Variants in MIA2 observed in about 807,000 individuals in gnomAD.
MIA2 encodes the protein melanoma inhibitory activity protein 2.
A neutral mutation model predicts 167.8 loss-of-function variants in MIA2; 127 were observed. The observed-to-expected ratio is 0.76, with a 90% CI of 0.66 to 0.88. The LOEUF (loss-of-function observed/expected upper bound fraction) is 0.88. Among genes scored for constraint, MIA2 ranks in the 40% least tolerant of loss-of-function variants. The pLI is 0.00. For synonymous variants in MIA2, 552 were observed against 541.9 expected (o/e 1.02, Z -0.26); for missense variants, 1,690 against 1,624.7 (o/e 1.04, Z -0.69).
chr14:39,265,739 A>G (rs1262141121), intron 6 of MIA2: 4 of 254,248 alleles, frequency 1.6e-5, no homozygotes, highest in Non-Finnish European at 3.0e-5. Flanking sequence ...GAGTAATACA[A>G]TGTTCTAATT....
At position 39,313,390 on chromosome 14, in the gene MIA2, C is replaced by G. The variant is rs998470975; in HGVS notation, c.3068C>G (p.Ser1023Cys). 9 of 1,602,964 alleles carry G rather than the reference C, an allele frequency of 5.6e-6. No individual in the cohort carries two copies. The African/African-American group carries it at 9.4e-5, about 17-fold the overall frequency. ...CGGTTAGAGAAAGAAGAGAAACTTT[C>G]TAAAGTAGATGAAAAGATCAGCCAT... ...NYRLEKEEKL[S>C]KVDEKISHAT... Residue 1023 changes from serine (S) to cysteine (C), a missense_variant, in exon 19 of 29, where the codon TCT becomes TGT. Ser to Cys is a moderately radical substitution (Grantham distance 112). Coordinates refer to ENST00000640607, the MANE Select transcript of MIA2 (RefSeq NM_001329214.4).
intron 23 of MIA2, among the ~76,000 whole-genome samples, chr14:39,320,699 T>C (rs1038892836): frequency 6.6e-6 from 1 of 152,200 alleles, no homozygotes; most frequent in Non-Finnish European, 1.5e-5. Context: ...CCCAGTTCGT[T>C]GATGTTTTTA....
chr14:39,288,481 T>G (rs1366450463), intron 9 of MIA2, among the ~76,000 whole-genome samples: 1 of 72,104 alleles, frequency 1.4e-5, no homozygotes, highest in East Asian at 3.9e-4. Flanking sequence ...ATATATTTTT[T>G]TTTTTTTTTT....
At chr14:39,354,391 C>G (rs1048737501), downstream of MIA2, among the ~76,000 whole-genome samples, 1 of 152,138 alleles carries the variant, frequency 6.6e-6, no homozygotes, top group Non-Finnish European at 1.5e-5. Flanking sequence ...TCATATCCTT[C>G]ACCCACTTGT....
chr14:39,297,546 C>G (rs939483380), intron 13 of MIA2, among the ~76,000 whole-genome samples: 4 of 152,088 alleles, frequency 2.6e-5, no homozygotes, highest in South Asian at 2.1e-4. Flanking sequence ...TCTGACTGTT[C>G]AGTAGTCAGT....
At chr14:39,269,083 T>TTTTTTTTG (rs2056626796) in intron 6 of MIA2, 1 of 926,470 alleles carries the variant, frequency 1.1e-6, no homozygotes, top group Non-Finnish European at 1.3e-6. Flanking sequence ...AGTTTTTTTT[T>TTTTTTTTG]TTTTTTTTTT....
intron 23 of MIA2, among the ~76,000 whole-genome samples, chr14:39,360,709 G>A (rs1295387115): frequency 2.0e-5 from 3 of 152,100 alleles, no homozygotes; most frequent in African/African-American, 7.2e-5. Flanking sequence ...TGCTTTTGAA[G>A]TCTTAACCAG....
chr14:39,266,031 T>A (rs2055572694), intron 6 of MIA2: 1 of 985,364 alleles, frequency 1.0e-6, no homozygotes, highest in African/African-American at 1.7e-5. Context: ...GAAAAATCAC[T>A]TGCTGTGAAC....
Position 39,303,464 on chromosome 14 carries a change from G to A in MIA2, c.2741-14G>A. 1 of 1,603,234 alleles carries A rather than the reference G, an allele frequency of 6.2e-7. No homozygotes were observed. The highest frequency in any genetic ancestry group is 8.5e-7 in the Non-Finnish European group (1 of 1,172,602). ...TTTCCCAAATCATTGTTGTGCTTTT[G>A]ATTTTCACTGTAGATAATCCTCCAA... On this transcript the variant is annotated splice_polypyrimidine_tract_variant and intron_variant, in intron 15 of 28. Coordinates refer to ENST00000640607, the MANE Select transcript of MIA2 (RefSeq NM_001329214.4).
At chr14:39,267,382 G>T in intron 6 of MIA2, 70 of 1,603,002 alleles carry the variant, frequency 4.4e-5, no homozygotes, top group Non-Finnish European at 5.9e-5. Context: ...CGGACCGAAG[G>T]CTGTGTGTTC....
At chr14:39,281,842 A>G (rs58013138) in intron 9 of MIA2, among the ~76,000 whole-genome samples, 2,777 of 152,114 alleles carry the variant, frequency 0.018, 94 homozygotes, top group African/African-American at 0.063. Context: ...GCTGGTCTCA[A>G]ACTCCTGAGC....
chr14:39,277,769 T>G (rs1160392395), intron 7 of MIA2, among the ~76,000 whole-genome samples: 1 of 52,512 alleles, frequency 1.9e-5, no homozygotes, highest in Non-Finnish European at 3.7e-5. Context: ...TATATATATA[T>G]ATATATATAT....
In MIA2 at chr14:39,247,637, T is replaced by G. The variant is rs201958950; in HGVS notation, c.1063T>G (p.Cys355Gly). 8 of 1,611,958 alleles carry G rather than the reference T, an allele frequency of 5.0e-6. No homozygotes were observed. Among genetic ancestry groups the G allele is most frequent in the Non-Finnish European group, 8.5e-7 (1 of 1,179,506 alleles). Reference protein sequence around the residue: ...ISSDKEATVPCTEILTEKKDT... With the variant: ...ISSDKEATVPGTEILTEKKDT... ...ATCTGATAAAGAAGCCACAGTTCCA[T>G]GTACAGAAATATTAACAGAAAAAAA... is the stretch of plus-strand genomic sequence containing the variant. Residue 355 changes from cysteine to glycine, a missense_variant, in exon 4 of 29, where the codon TGT becomes GGT. Physicochemically the swap from Cys to Gly is radical, Grantham distance 159. Coordinates refer to ENST00000640607, the MANE Select transcript of MIA2 (RefSeq NM_001329214.4).
chr14:39,244,837 G>GT (rs2054216955), intron 3 of MIA2, among the ~76,000 whole-genome samples: 1 of 151,806 alleles, frequency 6.6e-6, no homozygotes, highest in African/African-American at 2.4e-5. Flanking sequence ...GAGTGCAGTG[G>GT]TGCAATTATA....
chr14:39,240,678 A>G (rs1173815092), intron 3 of MIA2, 31 bp downstream of exon 3: 1 of 1,526,760 alleles, frequency 6.5e-7, no homozygotes, highest in Admixed American at 1.7e-5. Flanking sequence ...TTGTTAATTG[A>G]ATTTAAAATT....
rs181000218 is a variant in MIA2, at chr14:39,377,227, G to A, written c.2249-9658G>A. 3.8e-3 allele frequency among the ~76,000 whole-genome samples: 571 copies of A among 149,746 alleles called. 3 individuals carry two copies. Among genetic ancestry groups the A allele is most frequent in the Non-Finnish European group, 6.7e-3 (452 of 67,276 alleles). On this transcript the variant is annotated intron_variant, in intron 23 of 23. Coordinates refer to the MIA2 transcript ENST00000341502. ...CTCATGTCCTACAAAGAGAACATAGGGGGAGGAAGAAAAAAAAAAAAAAGA... is the reference window on the plus strand; with the variant it reads ...CTCATGTCCTACAAAGAGAACATAGAGGGAGGAAGAAAAAAAAAAAAAAGA...
At chr14:39,323,759 T>C (rs373650463) in intron 24 of MIA2, among the ~76,000 whole-genome samples, 1 of 152,250 alleles carries the variant, frequency 6.6e-6, no homozygotes, top group East Asian at 1.9e-4. Flanking sequence ...TTGAATTACA[T>C]AAGTCAAGGA....
In MIA2 at chr14:39,326,937, A is replaced by G. The variant is rs759762282; in HGVS notation, c.3570A>G (p.Leu1190=). The G allele has an allele frequency of 3.8e-6, 6 of 1,598,736 alleles. No individual in the cohort carries two copies. The East Asian group carries it at 9.3e-5, about 25-fold the overall frequency. ...NERGESSCDR[L]TDPHRAPSDT... ...GAGGAGAATCAAGCTGTGATAGGTT[A>G]ACCGATCCTCATAGGGCTCCCTCTG... The change falls in exon 25 of 29, where the codon TTA becomes TTG. Residue 1190 remains leucine, a synonymous_variant. Transcript: ENST00000640607.
At chr14:39,297,320 G>A (rs2152851471) in intron 13 of MIA2, among the ~76,000 whole-genome samples, 1 of 151,838 alleles carries the variant, frequency 6.6e-6, no homozygotes, top group South Asian at 2.1e-4. Context: ...TTGAACTCTT[G>A]ACCTCAAGTG....
Sources: allele counts gnomAD v4.1 joint callset (sites outside exome capture counted in the v4.1 genomes callset), GRCh38; gene constraint gnomAD v4.1.1; transcripts MANE v1.5; gene names NCBI Gene and HGNC (gene_info 2026-07-23, HGNC 2026-07-21).